The following PCMT1 variants were observed in gnomAD, a reference collection of about 807,000 sequenced individuals.
PCMT1 encodes protein-L-isoaspartate(D-aspartate) O-methyltransferase.
A neutral mutation model predicts 29.2 loss-of-function variants in PCMT1; 9 were observed. The observed-to-expected ratio is 0.31, with a 90% confidence interval of 0.19 to 0.54. PCMT1 has a LOEUF of 0.54. Ranked by LOEUF, PCMT1 falls within the 20% of genes least tolerant of loss-of-function variation. The pLI is 0.95. For missense variants in PCMT1, 184 were observed against 282.2 expected, an observed-to-expected ratio of 0.65 and a Z score of 2.49; for synonymous variants, 98 against 97.5, an observed-to-expected ratio of 1.00 and a Z score of -0.03.
intron 3 of PCMT1, among the ~76,000 whole-genome samples, chr6:149,775,699 C>T (rs1423931556): frequency 1.3e-5 from 2 of 152,200 alleles, no homozygotes; most frequent in South Asian, 2.1e-4. Flanking sequence ...CAGAGACCCT[C>T]ATCTCAATAA....
chr6:149,794,673 C>A, intron 5 of PCMT1: 1 of 376,098 alleles, frequency 2.7e-6, no homozygotes, highest in Non-Finnish European at 5.2e-6. Context: ...CACAGCCATC[C>A]CCTAGAGGGA....
At chr6:149,791,451 A>T (rs1293216589) in intron 4 of PCMT1, among the ~76,000 whole-genome samples, 2 of 152,232 alleles carry the variant, frequency 1.3e-5, no homozygotes, top group Non-Finnish European at 2.9e-5. Flanking sequence ...TTAGATCATC[A>T]CATCAGTTTG....
intron 2 of PCMT1, 152 bp downstream of exon 2, chr6:149,771,418 C>G: frequency 4.0e-6 from 2 of 494,162 alleles, no homozygotes; most frequent in Non-Finnish European, 7.1e-6. Flanking sequence ...CCAAACATAC[C>G]TATTTTAATA....
chr6:149,759,805 C>A (rs796176520), intron 1 of PCMT1, among the ~76,000 whole-genome samples: 1 of 151,964 alleles, frequency 6.6e-6, no homozygotes, highest in Admixed American at 6.6e-5. Context: ...TATTTTCTTA[C>A]CTGTATTTTC....
At chr6:149,786,459 A>G (rs1562414847) in intron 3 of PCMT1, among the ~76,000 whole-genome samples, 1 of 132,180 alleles carries the variant, frequency 7.6e-6, no homozygotes. Flanking sequence ...CTGGGCGGAG[A>G]CGCTCCTCAC....
chr6:149,806,923 A>G (rs1323321789), intron 7 of PCMT1, among the ~76,000 whole-genome samples: 1 of 152,144 alleles, frequency 6.6e-6, no homozygotes, highest in Non-Finnish European at 1.5e-5. Flanking sequence ...TCATTATAAT[A>G]CTTTCCTAGG....
At chr6:149,803,817 A>T (rs1346824315) in intron 7 of PCMT1, among the ~76,000 whole-genome samples, 1 of 138,094 alleles carries the variant, frequency 7.2e-6, no homozygotes, top group South Asian at 2.3e-4. Flanking sequence ...AAAAAAAAAA[A>T]GCATTTTAGT....
chr6:149,808,816 T>C (rs1016122478), intron 7 of PCMT1, among the ~76,000 whole-genome samples: 2 of 151,828 alleles, frequency 1.3e-5, no homozygotes, highest in Non-Finnish European at 2.9e-5. Context: ...ATTTGTATTT[T>C]TAGTAGAGAC....
chr6:149,782,489 G>A (rs1408403871), intron 3 of PCMT1, among the ~76,000 whole-genome samples: 1 of 152,204 alleles, frequency 6.6e-6, no homozygotes, highest in African/African-American at 2.4e-5. Context: ...CCTGGTAGCA[G>A]TGAGCACACC....
chr6:149,760,436 C>T (rs1000989078), intron 1 of PCMT1, among the ~76,000 whole-genome samples: 1 of 152,298 alleles, frequency 6.6e-6, no homozygotes, highest in African/African-American at 2.4e-5. Flanking sequence ...GACCTAGACT[C>T]CTCTCTTGTT....
chr6:149,781,249 C>T lies in PCMT1; in HGVS notation c.192+8080C>T, dbSNP rs1158985056. On this transcript the variant is annotated intron_variant, in intron 3 of 7. Coordinates refer to ENST00000464889, the MANE Select transcript of PCMT1 (RefSeq NM_001360452.2). ...TAAAACTTTTTTTTTTTTTCTGAGA[C>T]AGAGTCTCGCTCTGTCACCCGGGCT... is the stretch of plus-strand genomic sequence containing the variant. Among the ~76,000 whole-genome samples, 5 of 134,446 alleles carry T rather than the reference C, an allele frequency of 3.7e-5. No individual in the cohort carries two copies. The Admixed American group carries it at 4.2e-4, about 11-fold the overall frequency. 88.2% of individuals were successfully genotyped at this position (134,446 alleles called of 152,430 possible).
chr6:149,807,300 T>A (rs1042627074), intron 7 of PCMT1, among the ~76,000 whole-genome samples: 34 of 152,108 alleles, frequency 2.2e-4, no homozygotes, highest in African/African-American at 8.0e-4. Context: ...TCTTAAGTAT[T>A]ATTTTATTTT....
At chr6:149,758,226 T>C (rs1468028065) in intron 1 of PCMT1, among the ~76,000 whole-genome samples, 31 of 142,458 alleles carry the variant, frequency 2.2e-4, no homozygotes, top group Admixed American at 2.1e-3. Flanking sequence ...TTTTTTTTTT[T>C]CTGAGACAGA....
intron 1 of PCMT1, among the ~76,000 whole-genome samples, chr6:149,750,728 C>A (rs954200553): frequency 6.6e-6 from 1 of 152,144 alleles, no homozygotes; most frequent in Admixed American, 6.5e-5. Context: ...TTCTTTATAT[C>A]ACTCTCCTTA....
chr6:149,776,499 TCTC>T (rs1443653985), intron 3 of PCMT1, among the ~76,000 whole-genome samples: 2 of 151,870 alleles, frequency 1.3e-5, no homozygotes, highest in Admixed American at 1.3e-4. Flanking sequence ...CCTCAAGTGA[TCTC>T]CTGACCTCAA....
At chr6:149,809,392 A>T (rs1448038634) in intron 7 of PCMT1, among the ~76,000 whole-genome samples, 1 of 151,988 alleles carries the variant, frequency 6.6e-6, no homozygotes, top group Non-Finnish European at 1.5e-5. Context: ...AAATATTTTA[A>T]TGCCTGCATG....
At chr6:149,750,015 C>G in intron 1 of PCMT1, 59 bp downstream of exon 1, 1 of 1,537,166 alleles carries the variant, frequency 6.5e-7, no homozygotes. Flanking sequence ...TGGACCGGGT[C>G]CCCCTGGGCC....
At chr6:149,802,491 T>C in intron 7 of PCMT1, 75 bp downstream of exon 7, 1 of 1,333,100 alleles carries the variant, frequency 7.5e-7, no homozygotes. Context: ...TCCTCCATTA[T>C]AACGTCAGAA....
At position 149,804,524 on chromosome 6, in the gene PCMT1, T is replaced by G. The variant is rs1338611807; in HGVS notation, c.*37+2108T>G. On this transcript the variant is annotated intron_variant, in intron 7 of 7. Transcript: ENST00000464889. ...ATTTAATTTAATTTAAAAAAGTGTT[T>G]TTTTTGAGACGGAGTCCTGCTCTGT... 3.9e-5 allele frequency among the ~76,000 whole-genome samples: 6 copies of G among 152,270 alleles called. No homozygotes were observed. In the East Asian group the frequency reaches 1.2e-3, roughly 29 times the overall value.
Sources: allele counts gnomAD v4.1 joint callset (sites outside exome capture counted in the v4.1 genomes callset), GRCh38; gene constraint gnomAD v4.1.1; transcripts MANE v1.5; gene names NCBI Gene and HGNC (gene_info 2026-07-23, HGNC 2026-07-21).